TOM1: variants seen among roughly 807,000 people sequenced by gnomAD.
The protein encoded by TOM1 is target of Myb protein 1.
Under a neutral mutation model 61.3 loss-of-function variants are expected in TOM1, and 38 were observed. The ratio of observed to expected loss-of-function variants is 0.62; its 90% CI spans 0.48 to 0.81. TOM1 has a LOEUF of 0.81. Among genes scored for constraint, TOM1 ranks in the 40% least tolerant of loss-of-function variants. The pLI is 0.00. For missense variants in TOM1, 591 were observed against 659.6 expected (o/e 0.90, Z 1.14); for synonymous variants, 270 against 268.8 (o/e 1.00, Z -0.04).
chr22:35,335,682 G>A (rs1176726669), intron 11 of TOM1: 1 of 154,930 alleles, frequency 6.5e-6, no homozygotes, highest in Non-Finnish European at 1.5e-5. Flanking sequence ...GCAGGCTCCG[G>A]GGGACAGGGA....
intron 6 of TOM1, among the ~76,000 whole-genome samples, chr22:35,324,855 G>A (rs1420469925): frequency 1.3e-5 from 2 of 152,354 alleles, no homozygotes; most frequent in African/African-American, 4.8e-5. Context: ...CAGCCAAGAA[G>A]GTTTGAGGCT....
chr22:35,334,177 G>A (rs1929080702), intron 10 of TOM1, 151 bp from the exon 11 acceptor site: 1 of 1,023,502 alleles, frequency 9.8e-7, no homozygotes, highest in Non-Finnish European at 1.4e-6. Context: ...AGGCCCCACA[G>A]CCAGCAGCAG....
chr22:35,336,992 G>A (rs1422841804), intron 11 of TOM1, among the ~76,000 whole-genome samples: 1 of 150,412 alleles, frequency 6.6e-6, no homozygotes, highest in East Asian at 1.9e-4. Flanking sequence ...TCAGGCTGGA[G>A]TGCAGTGGCG....
intron 8 of TOM1, among the ~76,000 whole-genome samples, chr22:35,332,479 G>C (rs1928919918): frequency 1.3e-5 from 2 of 152,064 alleles, no homozygotes; most frequent in Admixed American, 1.3e-4. Context: ...GACTTGAACA[G>C]ACCCCACACT....
At position 35,323,358 on chromosome 22, in the gene TOM1, C is replaced by T. The variant is rs201884449; in HGVS notation, c.367-138C>T. On this transcript the variant is annotated intron_variant, in intron 4 of 14. Coordinates refer to ENST00000449058, the MANE Select transcript of TOM1 (RefSeq NM_005488.3). The surrounding 1 kb of genome is among the most constrained non-coding windows in gnomAD (Gnocchi z 4.2). ...GGAGGCTTGCCAACTGCGTGCTTTGCTGTGGAGTGGGCAGGGCAGATGTAG... is the reference window on the plus strand; with the variant it reads ...GGAGGCTTGCCAACTGCGTGCTTTGTTGTGGAGTGGGCAGGGCAGATGTAG... The T allele has an allele frequency of 1.5e-5, 20 of 1,355,360 alleles. No individual in the cohort carries two copies. The East Asian group carries it at 4.6e-4, about 31-fold the overall frequency. The allele number at this position is 1,355,360 out of a possible 1,614,324, so 84.0% of individuals were successfully genotyped here. A position where few individuals can be genotyped will look rare whatever the true frequency, so the allele number is the denominator to read the frequency against.
Position 35,334,313 on chromosome 22 carries a change from T to C in TOM1, c.1028-15T>C, listed in dbSNP as rs891147124. The C allele has an allele frequency of 5.6e-6, 9 of 1,605,668 alleles. No individual in the cohort carries two copies. The highest frequency in any genetic ancestry group is 7.7e-6 in the Non-Finnish European group (9 of 1,175,356). ...TTGTGGATGGGTCTTTCACGTGGCC[T>C]TTCTGTCCCTGCAGACCTGGGCTCC... is the stretch of plus-strand genomic sequence containing the variant. On this transcript the variant is annotated splice_polypyrimidine_tract_variant and intron_variant, in intron 10 of 14. Transcript: ENST00000449058.
intron 3 of TOM1, 116 bp from the exon 4 acceptor site, chr22:35,322,912 C>T (rs978552381): frequency 1.4e-5 from 18 of 1,266,880 alleles, no homozygotes; most frequent in African/African-American, 4.5e-5. Context: ...TCCAGGAAGT[C>T]CCATCTCCTC....
At chr22:35,312,783 G>A (rs1926947871) in intron 1 of TOM1, among the ~76,000 whole-genome samples, 1 of 152,234 alleles carries the variant, frequency 6.6e-6, no homozygotes, top group African/African-American at 2.4e-5. Flanking sequence ...GCCACATAGA[G>A]GAAGGGGGTA....
rs1300037550 is a variant in TOM1, at chr22:35,317,276, G to A, written c.53-601G>A. 5.3e-5 allele frequency among the ~76,000 whole-genome samples: 8 copies of A among 152,012 alleles called. No homozygotes were observed. The East Asian group carries it at 7.7e-4, about 15-fold the overall frequency. On this transcript the variant is annotated intron_variant, in intron 1 of 14. Transcript: ENST00000449058. ...ATGGCTCAATCTCTTTGCAACCTCC[G>A]CCTCCTGGGATCAAACGATTCTCCT... is the stretch of plus-strand genomic sequence containing the variant.
intron 1 of TOM1, among the ~76,000 whole-genome samples, chr22:35,309,035 GA>G (rs202171657): frequency 1.3e-5 from 2 of 150,680 alleles, no homozygotes; most frequent in South Asian, 2.1e-4. Context: ...GTTTCTGGCT[GA>G]AAAAAAAATA....
At chr22:35,331,421 G>C (rs1023402926) in intron 8 of TOM1, 2 of 420,292 alleles carry the variant, frequency 4.8e-6, no homozygotes, top group Non-Finnish European at 4.7e-6. Context: ...TGCCCACCTT[G>C]TATCATTCTG....
chr22:35,333,235 A>G, intron 9 of TOM1, 169 bp from the exon 10 acceptor site: 1 of 786,376 alleles, frequency 1.3e-6, no homozygotes, highest in Non-Finnish European at 2.1e-6. Context: ...CAGGGAGTCC[A>G]GTTGAGCTGG....
chr22:35,300,379 G>A (rs1311361066), intron 1 of TOM1, among the ~76,000 whole-genome samples: 8 of 152,118 alleles, frequency 5.3e-5, no homozygotes, highest in Admixed American at 4.6e-4. Context: ...GGCTCACCGG[G>A]CCCTCCGGAC....
At chr22:35,313,000 G>A (rs1176542993) in intron 1 of TOM1, among the ~76,000 whole-genome samples, 3 of 152,172 alleles carry the variant, frequency 2.0e-5, no homozygotes, top group Admixed American at 6.5e-5. Context: ...TGTGCAGGAT[G>A]GGAGCGAGCG....
chr22:35,299,797 G>T (rs1925540040), upstream of TOM1: 4 of 1,027,360 alleles, frequency 3.9e-6, no homozygotes, highest in Non-Finnish European at 5.7e-6. Flanking sequence ...GGGGCTTGTG[G>T]TCGAGCTTCG....
intron 1 of TOM1, among the ~76,000 whole-genome samples, chr22:35,305,474 A>G (rs1926244621): frequency 2.0e-5 from 3 of 152,156 alleles, no homozygotes; most frequent in Admixed American, 2.0e-4. Context: ...ATCCTGGCCA[A>G]CATGGTGAAA....
rs201714017 is a variant in TOM1 at position 35,317,923 on chromosome 22, C to T, written c.99C>T (p.Asn33=). The T allele has an allele frequency of 1.9e-6, 3 of 1,614,176 alleles. No individual in the cohort carries two copies. Reference sequence around the variant, plus strand: ...TGCAGAGCGAGGACTGGGCCCTCAACATGGAGATCTGCGACATCATCAACG... The same window carrying T: ...TGCAGAGCGAGGACTGGGCCCTCAATATGGAGATCTGCGACATCATCAACG... ...GSLQSEDWAL[N]MEICDIINET... Residue 33 remains asparagine (N), a synonymous_variant, in exon 2 of 15, where the codon AAC becomes AAT. Transcript: ENST00000449058.
intron 8 of TOM1, among the ~76,000 whole-genome samples, chr22:35,332,039 C>G (rs1928885329): frequency 6.6e-6 from 1 of 152,208 alleles, no homozygotes; most frequent in Non-Finnish European, 1.5e-5. Context: ...TCCAGGGTGT[C>G]TGATAACTGA....
chr22:35,310,369 G>A (rs1362251783), intron 1 of TOM1, among the ~76,000 whole-genome samples: 1 of 152,192 alleles, frequency 6.6e-6, no homozygotes, highest in Non-Finnish European at 1.5e-5. Flanking sequence ...CCTGGCCAAT[G>A]TGGTGAAACC....
Sources: gnomAD v4.1 joint callset for allele counts (sites outside exome capture counted in the v4.1 genomes callset) on GRCh38, gnomAD v4.1.1 for gene constraint, Gnocchi (gnomAD v3.1) non-coding constraint, MANE v1.5 for transcripts, NCBI Gene and HGNC (gene_info 2026-07-23, HGNC 2026-07-21) for gene names.